The following PPM1D variants were observed in gnomAD, a reference collection of about 807,000 sequenced individuals.
PPM1D encodes the protein protein phosphatase, Mg2+/Mn2+ dependent 1D.
A neutral mutation model predicts 58.3 loss-of-function variants in PPM1D; 52 were observed. That is an observed-to-expected ratio of 0.89 (90% CI 0.71 to 1.12). The LOEUF (loss-of-function observed/expected upper bound fraction) is 1.12, where lower values mean the gene tolerates loss of function less well. PPM1D is among the 50% of genes most tolerant of loss of function. PPM1D has a pLI of 0.00. For synonymous variants in PPM1D, 278 were observed against 285.1 expected, an observed-to-expected ratio of 0.98 and a Z score of 0.25; for missense variants, 564 against 777.2, an observed-to-expected ratio of 0.73 and a Z score of 3.26.
At position 60,663,395 on chromosome 17, in the gene PPM1D, G is replaced by T. The variant is rs966517004; in HGVS notation, c.1661G>T (p.Gly554Val). The T allele has an allele frequency of 6.2e-7, 1 of 1,614,174 alleles. No homozygotes were observed. Among genetic ancestry groups the T allele is most frequent in the Non-Finnish European group, 8.5e-7 (1 of 1,180,038 alleles). The change falls in exon 6 of 6, where the codon GGC becomes GTC. Residue 554 changes from glycine to valine, a missense_variant. By Grantham distance (109) the Gly-to-Val change is moderately radical. This residue lies in a region of PPM1D where 261 missense variants were observed against 270.1 expected (regional missense o/e 0.97). Transcript: ENST00000305921. The stretch of plus-strand genomic sequence containing the variant: ...CTGATGAAGAAGCATAGACGAAATG[G>T]CTTAAGTCGAAGTAGTGGTGCTCAG... ...GPLMKKHRRN[G>V]LSRSSGAQPA... is the part of the protein sequence containing the mutation.
chr17:60,628,415 T>G (rs779514881), intron 2 of PPM1D, among the ~76,000 whole-genome samples: 44 of 152,192 alleles, frequency 2.9e-4, no homozygotes, highest in Admixed American at 4.6e-4. Context: ...ATACATTTTA[T>G]GGGTTTTGAC....
chr17:60,614,949 G>A (rs1405438929), intron 1 of PPM1D, among the ~76,000 whole-genome samples: 1 of 152,206 alleles, frequency 6.6e-6, no homozygotes, highest in Non-Finnish European at 1.5e-5. Flanking sequence ...CTTGAAGTCA[G>A]TGAGACCAAG....
intron 5 of PPM1D, among the ~76,000 whole-genome samples, chr17:60,662,042 G>C (rs1487917401): frequency 6.6e-6 from 1 of 151,888 alleles, no homozygotes; most frequent in African/African-American, 2.4e-5. Flanking sequence ...CGTCACCCAG[G>C]CTGGAGTGCA....
In PPM1D at chr17:60,656,719, G is replaced by A; in HGVS notation, c.1138G>A (p.Asp380Asn). 1 of 1,614,148 alleles carries A rather than the reference G, an allele frequency of 6.2e-7. No homozygotes were observed. Among genetic ancestry groups the A allele is most frequent in the Non-Finnish European group, 8.5e-7 (1 of 1,180,030 alleles). Residue 380 changes from aspartate to asparagine, a missense_variant, in exon 5 of 6, where the codon GAC (aspartate) becomes AAC (asparagine). This residue lies in a region of PPM1D where 261 missense variants were observed against 270.1 expected (regional missense o/e 0.97). Coordinates refer to ENST00000305921, the MANE Select transcript of PPM1D (RefSeq NM_003620.4). ...AGTAATCTGCATCTCTCCAGAAGTG[G>A]ACAATCAGGGAAACTTTACCAATGA... ...AIVICISPEVDNQGNFTNEDE... is the reference protein window; with the variant it reads ...AIVICISPEVNNQGNFTNEDE...
chr17:60,645,572 GTATA>G (rs199951856), intron 3 of PPM1D, among the ~76,000 whole-genome samples: 6 of 119,190 alleles, frequency 5.0e-5, no homozygotes, highest in East Asian at 2.5e-4. Context: ...GTATATATAT[GTATA>G]TATATATGTG....
chr17:60,654,234 A>G lies in PPM1D; in HGVS notation c.1018-2365A>G, dbSNP rs74841094. ...GGTTTTTATCATAAAGTGATGTTCA[A>G]TTTTACGAAATGCTTTTTCAGTGTC... is the stretch of plus-strand genomic sequence containing the variant. On this transcript the variant is annotated intron_variant, in intron 4 of 5. Coordinates refer to ENST00000305921, the MANE Select transcript of PPM1D (RefSeq NM_003620.4). 3.2e-3 allele frequency among the ~76,000 whole-genome samples: 467 copies of G among 147,012 alleles called. 3 individuals carry two copies. The highest frequency in any genetic ancestry group is 0.025 in the East Asian group (124 of 4,926).
chr17:60,663,062 A>G lies in PPM1D; in HGVS notation c.1328A>G (p.Asn443Ser), dbSNP rs1372308540. ...CATATACCTGCCCTGGTTCGTAGCA[A>G]TGCCTTCTCAGAGAATTTTTTAGAG... ...KDHIPALVRS[N>S]AFSENFLEVS... Residue 443 changes from asparagine (N) to serine (S), a missense_variant, in exon 6 of 6, where the codon AAT becomes AGT. This residue lies in a region of PPM1D where 261 missense variants were observed against 270.1 expected (regional missense o/e 0.97). Coordinates refer to ENST00000305921, the MANE Select transcript of PPM1D (RefSeq NM_003620.4). 4 of 1,614,060 alleles carry G rather than the reference A, an allele frequency of 2.5e-6. No individual in the cohort carries two copies. The highest frequency in any genetic ancestry group is 2.2e-5 in the East Asian group (1 of 44,892).
intron 5 of PPM1D, among the ~76,000 whole-genome samples, chr17:60,659,721 A>G (rs1490131876): frequency 6.6e-6 from 1 of 152,226 alleles, no homozygotes; most frequent in Non-Finnish European, 1.5e-5. Context: ...TCAATATCAC[A>G]TAACTGTTTT....
At chr17:60,658,099 CT>C (rs2031471368) in intron 5 of PPM1D, among the ~76,000 whole-genome samples, 1 of 152,118 alleles carries the variant, frequency 6.6e-6, no homozygotes, top group African/African-American at 2.4e-5. Context: ...GGTTGAAACC[CT>C]TTAAAGCCTC....
At position 60,665,960 on chromosome 17, in the gene PPM1D, A is replaced by T. The variant is rs916757730; in HGVS notation, c.*2408A>T. ...TTGTAACCTAGCCTCTGAAAGTGTC[A>T]TACCAATTCTGTATTTTGTTGGTCA... On this transcript the variant is annotated 3_prime_UTR_variant, in exon 6 of 6. Coordinates refer to ENST00000305921, the MANE Select transcript of PPM1D (RefSeq NM_003620.4). The T allele has an allele frequency of 2.6e-5, 4 of 152,208 alleles. No individual in the cohort carries two copies. The highest frequency in any genetic ancestry group is 9.6e-5 in the African/African-American group (4 of 41,460). The allele number at this position is 152,208 out of a possible 1,614,324, so 9.4% of individuals were successfully genotyped here. A position where few individuals can be genotyped will look rare whatever the true frequency, so the allele number is the denominator to read the frequency against.
At chr17:60,644,225 AAAAAC>A (rs954603257) in intron 3 of PPM1D, among the ~76,000 whole-genome samples, 2 of 152,210 alleles carry the variant, frequency 1.3e-5, no homozygotes, top group Admixed American at 6.5e-5. Flanking sequence ...CATGAATGAT[AAAAAC>A]AAAACAAAAC....
intron 3 of PPM1D, among the ~76,000 whole-genome samples, chr17:60,638,644 C>G (rs1187827058): frequency 2.0e-5 from 3 of 152,160 alleles, no homozygotes; most frequent in African/African-American, 7.2e-5. Context: ...GCTGGGATTA[C>G]AAGCGCAAGC....
intron 3 of PPM1D, among the ~76,000 whole-genome samples, chr17:60,642,807 C>CT (rs1362590222): frequency 1.3e-5 from 2 of 152,104 alleles, no homozygotes; most frequent in East Asian, 2.0e-4. Context: ...TGGCTTATGC[C>CT]TGTAATCCCA....
At chr17:60,617,846 C>T (rs1303022476) in intron 1 of PPM1D, among the ~76,000 whole-genome samples, 1 of 152,034 alleles carries the variant, frequency 6.6e-6, no homozygotes, top group Admixed American at 6.6e-5. Flanking sequence ...ATAAACTGAA[C>T]ACCATCCAGT....
chr17:60,654,296 A>T (rs2031394745), intron 4 of PPM1D, among the ~76,000 whole-genome samples: 1 of 145,034 alleles, frequency 6.9e-6, no homozygotes. Context: ...TGAGAGAGAG[A>T]GTCTCACTCT....
Position 60,612,128 on chromosome 17 carries a change from A to G in PPM1D, c.472+11242A>G, listed in dbSNP as rs139445536. On this transcript the variant is annotated intron_variant, in intron 1 of 5. Transcript: ENST00000305921. The stretch of plus-strand genomic sequence containing the variant: ...AGTATACTCTGATAATTTTTGACAT[A>G]TGCGCATGTCAAGCCATCATCACAT... 1.7e-4 allele frequency among the ~76,000 whole-genome samples: 26 copies of G among 152,260 alleles called. 1 individual carries two copies. In the East Asian group the frequency reaches 5.0e-3, roughly 29 times the overall value.
Position 60,663,373 on chromosome 17 carries a change from A to T in PPM1D, c.1639A>T (p.Met547Leu). The change falls in exon 6 of 6, where the codon ATG (methionine) becomes TTG (leucine). Residue 547 changes from methionine to leucine, a missense_variant. Physicochemically the swap from Met to Leu is conservative, Grantham distance 15. This residue lies in a region of PPM1D where 261 missense variants were observed against 270.1 expected (regional missense o/e 0.97). Coordinates refer to ENST00000305921, the MANE Select transcript of PPM1D (RefSeq NM_003620.4). ...AGAAGAGTCCAATTCTGGCCCCCTG[A>T]TGAAGAAGCATAGACGAAATGGCTT... is the stretch of plus-strand genomic sequence containing the variant. ...TLEESNSGPL[M>L]KKHRRNGLSR... The T allele has an allele frequency of 2.5e-6, 4 of 1,614,208 alleles. No individual in the cohort carries two copies. Among genetic ancestry groups the T allele is most frequent in the Non-Finnish European group, 3.4e-6 (4 of 1,180,032 alleles).
In PPM1D at chr17:60,613,086, C is replaced by T. The variant is rs2030494120; in HGVS notation, c.473-10435C>T. ...TCAGGAGAAGCTATTAGTTTTTGTC[C>T]AGCTAGTTGATATTCCATTCAGTCT... On this transcript the variant is annotated intron_variant, in intron 1 of 5. Coordinates refer to ENST00000305921, the MANE Select transcript of PPM1D (RefSeq NM_003620.4). Among the ~76,000 whole-genome samples, 3 of 152,046 alleles carry T rather than the reference C, an allele frequency of 2.0e-5. No individual in the cohort carries two copies. The South Asian group carries it at 6.2e-4, about 31-fold the overall frequency.
chr17:60,643,335 C>T (rs992149251), intron 3 of PPM1D, among the ~76,000 whole-genome samples: 2 of 152,100 alleles, frequency 1.3e-5, no homozygotes, highest in East Asian at 1.9e-4. Flanking sequence ...GAGCCATGAT[C>T]GCACCAATGC....
Sources: gnomAD v4.1 joint callset for allele counts (sites outside exome capture counted in the v4.1 genomes callset) on GRCh38, gnomAD v4.1.1 for gene constraint, gnomAD v4.1.1 regional missense constraint, MANE v1.5 for transcripts, NCBI Gene and HGNC (gene_info 2026-07-23, HGNC 2026-07-21) for gene names.